Variants in CCDC125 observed in about 807,000 individuals in gnomAD.
CCDC125 encodes coiled-coil domain containing 125, also known as coiled-coil domain-containing protein 125.
In CCDC125, 43 loss-of-function variants were observed where a neutral mutation model predicts 57.4. The ratio of observed to expected loss-of-function variants is 0.75; its 90% CI spans 0.59 to 0.97. The LOEUF (loss-of-function observed/expected upper bound fraction) is 0.97. Ranked by LOEUF, CCDC125 falls within the 50% of genes least tolerant of loss-of-function variation. The pLI, the probability that CCDC125 is intolerant of heterozygous loss-of-function variation, is 0.00. For missense variants in CCDC125, 563 were observed against 595.7 expected (o/e 0.95, Z 0.57); for synonymous variants, 187 against 195.2 (o/e 0.96, Z 0.35).
At chr5:69,325,542 C>G (rs922630562) in intron 1 of CCDC125, among the ~76,000 whole-genome samples, 3 of 151,236 alleles carry the variant, frequency 2.0e-5, no homozygotes, top group Non-Finnish European at 4.4e-5. Context: ...GACAGGGTCT[C>G]GGGCTGGGCA....
intron 1 of CCDC125, among the ~76,000 whole-genome samples, chr5:69,323,357 G>A (rs1247760686): frequency 1.3e-5 from 2 of 151,894 alleles, no homozygotes; most frequent in African/African-American, 4.8e-5. Flanking sequence ...TATCATATTT[G>A]CATATTATCT....
At chr5:69,310,520 CT>C (rs1435295791) in intron 4 of CCDC125, 6 of 158,222 alleles carry the variant, frequency 3.8e-5, no homozygotes, top group Non-Finnish European at 6.9e-5. Context: ...AATTAAACCT[CT>C]TTTTTTCCCC....
chr5:69,285,975 T>A (rs116339225), intron 10 of CCDC125, among the ~76,000 whole-genome samples: 61 of 151,678 alleles, frequency 4.0e-4, no homozygotes, highest in Non-Finnish European at 4.4e-4. Context: ...TTTCCTCATC[T>A]CTAAAATGAG....
chr5:69,300,121 T>C lies in CCDC125; in HGVS notation c.707A>G (p.Asn236Ser). ...KMLKSDNAVL[N>S]QRYLEALAML... ...GGCGAGGGCCTCCAAATACCGTTGA[T>C]TCAAAACTAGGAAGGGCCATATGAG... The change falls in exon 8 of 12, where the codon AAT (asparagine) becomes AGT (serine). Residue 236 changes from asparagine (N) to serine (S), a missense_variant. Physicochemically the swap from Asn to Ser is conservative, Grantham distance 46 (BLOSUM62 1). Coordinates refer to ENST00000396496, the MANE Select transcript of CCDC125 (RefSeq NM_176816.5). 1 of 1,612,680 alleles carries C rather than the reference T, an allele frequency of 6.2e-7. No homozygotes were observed. The highest frequency in any genetic ancestry group is 8.5e-7 in the Non-Finnish European group (1 of 1,178,710).
chr5:69,314,375 G>A (rs1438593282), intron 2 of CCDC125, among the ~76,000 whole-genome samples: 1 of 151,836 alleles, frequency 6.6e-6, no homozygotes, highest in Non-Finnish European at 1.5e-5. Context: ...TGAGGCAGGA[G>A]AATCACTTGA....
intron 1 of CCDC125, among the ~76,000 whole-genome samples, chr5:69,331,602 A>G (rs1761433059): frequency 6.6e-6 from 1 of 152,230 alleles, no homozygotes; most frequent in African/African-American, 2.4e-5. Flanking sequence ...TTCTACAACA[A>G]AGCTACAGTT....
chr5:69,294,411 G>A (rs897125852), intron 9 of CCDC125, among the ~76,000 whole-genome samples: 2 of 151,778 alleles, frequency 1.3e-5, no homozygotes, highest in Non-Finnish European at 2.9e-5. Context: ...GGATTCAAGC[G>A]ATTCTCCTGC....
chr5:69,332,205 G>C (rs1287597429), intron 1 of CCDC125, among the ~76,000 whole-genome samples: 2 of 152,190 alleles, frequency 1.3e-5, no homozygotes, highest in Non-Finnish European at 2.9e-5. Flanking sequence ...TTTCATTTTA[G>C]AATAATTTTA....
chr5:69,313,954 T>C (rs376642079), intron 3 of CCDC125, 31 bp downstream of exon 3: 58 of 1,514,340 alleles, frequency 3.8e-5, no homozygotes, highest in Non-Finnish European at 5.1e-5. Flanking sequence ...CCAGCTAAAC[T>C]GATAATTTTT....
intron 7 of CCDC125, among the ~76,000 whole-genome samples, chr5:69,301,696 T>C (rs905644578): frequency 2.0e-4 from 30 of 151,072 alleles, no homozygotes; most frequent in African/African-American, 7.0e-4. Flanking sequence ...GATTGCACCA[T>C]TGCACTCTAG....
intron 1 of CCDC125, among the ~76,000 whole-genome samples, chr5:69,321,939 C>T (rs549539785): frequency 1.3e-5 from 2 of 152,058 alleles, no homozygotes; most frequent in Non-Finnish European, 2.9e-5. Flanking sequence ...CGGGTTCAAG[C>T]GATTATCCTG....
chr5:69,304,422 C>T (rs1580105913), intron 6 of CCDC125, among the ~76,000 whole-genome samples: 1 of 134,004 alleles, frequency 7.5e-6, no homozygotes, highest in Non-Finnish European at 1.6e-5. Context: ...TAAACATACC[C>T]TTTTTTTTTT....
chr5:69,292,843 C>CTTTTTTTTTTTTTTT (rs796130405), intron 9 of CCDC125, among the ~76,000 whole-genome samples: 1 of 145,416 alleles, frequency 6.9e-6, no homozygotes. Context: ...TCTTCTTCTT[C>CTTTTTTTTTTTTTTT]TTTTTTTTTT....
Position 69,330,529 on chromosome 5 carries a change from C to G in CCDC125, c.-41+2120G>C, listed in dbSNP as rs1456190755. Among the ~76,000 whole-genome samples the G allele has an allele frequency of 1.9e-3, 285 of 151,666 alleles. 3 individuals carry two copies. The highest frequency in any genetic ancestry group is 5.9e-3 in the African/African-American group (242 of 41,360). On this transcript the variant is annotated intron_variant, in intron 1 of 11. Transcript: ENST00000396496. ...GAATCGCTTGAACCCGGGAGGCAGA[C>G]ATTGCAGTGAGCCGAGATTGCACCA... is the stretch of plus-strand genomic sequence containing the variant.
At chr5:69,325,768 G>A (rs183477024) in intron 1 of CCDC125, among the ~76,000 whole-genome samples, 79 of 142,432 alleles carry the variant, frequency 5.5e-4, no homozygotes, top group African/African-American at 2.0e-3. Flanking sequence ...ATGTTGCGGT[G>A]AGCCAAGATC....
At chr5:69,331,330 T>C (rs1225093213) in intron 1 of CCDC125, among the ~76,000 whole-genome samples, 1 of 151,514 alleles carries the variant, frequency 6.6e-6, no homozygotes, top group Non-Finnish European at 1.5e-5. Context: ...CCTCCTGGGT[T>C]CAAGCGATTC....
chr5:69,330,823 T>C (rs1761324477), intron 1 of CCDC125, among the ~76,000 whole-genome samples: 1 of 152,116 alleles, frequency 6.6e-6, no homozygotes, highest in African/African-American at 2.4e-5. Context: ...TGGTGGAACG[T>C]CTCTTTAATT....
intron 6 of CCDC125, among the ~76,000 whole-genome samples, chr5:69,305,066 G>GA (rs1049880032): frequency 3.4e-4 from 51 of 151,192 alleles, no homozygotes; most frequent in Middle Eastern, 3.4e-3. Flanking sequence ...GTATTTCATG[G>GA]AAAAAAAAGA....
Position 69,294,853 on chromosome 5 carries a change from G to T in CCDC125, c.864C>A (p.Pro288=). 6.2e-7 allele frequency: 1 copy of T among 1,614,192 alleles called. No homozygotes were observed. The highest frequency in any genetic ancestry group is 8.5e-7 in the Non-Finnish European group (1 of 1,180,030). Residue 288 remains proline (P), a synonymous_variant, in exon 9 of 12, where the codon CCC becomes CCA. Coordinates refer to ENST00000396496, the MANE Select transcript of CCDC125 (RefSeq NM_176816.5). ...ACLCHGPGGN[P]CSCARMAAST... is the part of the protein sequence containing the mutation. ...ATGCTGCCATTCTGGCACAAGAACA[G>T]GGGTTCCCTCCGGGCCCATGACAAA...
Sources: gnomAD v4.1 joint callset for allele counts (sites outside exome capture counted in the v4.1 genomes callset) on GRCh38, gnomAD v4.1.1 for gene constraint, MANE v1.5 for transcripts, NCBI Gene and HGNC (gene_info 2026-07-23, HGNC 2026-07-21) for gene names.